AK8: variants seen among roughly 807,000 people sequenced by gnomAD.
AK8 encodes ATP-AMP transphosphorylase 8.
In AK8, 44 loss-of-function variants were observed where a neutral mutation model predicts 54.6. The ratio of observed to expected loss-of-function variants is 0.81; its 90% CI spans 0.63 to 1.04. The LOEUF (loss-of-function observed/expected upper bound fraction) is 1.04, where lower values mean the gene tolerates loss of function less well. AK8 is among the 50% of genes least tolerant of loss of function. The pLI is 0.00. For synonymous variants in AK8, 239 were observed against 245.6 expected (o/e 0.97, Z 0.25); for missense variants, 555 against 613.6 (o/e 0.90, Z 1.01).
At chr9:132,865,398 A>G (rs1219354534) in intron 3 of AK8, among the ~76,000 whole-genome samples, 1 of 152,218 alleles carries the variant, frequency 6.6e-6, no homozygotes, top group African/African-American at 2.4e-5. Context: ...CATCCCGTCC[A>G]TGATACATGC....
chr9:132,733,647 T>C lies in AK8; in HGVS notation c.1122-6113A>G, dbSNP rs145009087. On this transcript the variant is annotated intron_variant, in intron 11 of 12. Transcript: ENST00000298545. ...GGAAGCTTCTGATTATCCTGGCTCA[T>C]TGCGCCCAATGTGAGGGCCAGGTGG... Among the ~76,000 whole-genome samples the C allele has an allele frequency of 3.0e-3, 453 of 152,328 alleles. 4 individuals are homozygous for C. Among genetic ancestry groups the C allele is most frequent in the African/African-American group, 0.01 (427 of 41,576 alleles).
At chr9:132,731,666 C>T (rs542260148) in intron 11 of AK8, among the ~76,000 whole-genome samples, 6 of 152,276 alleles carry the variant, frequency 3.9e-5, no homozygotes, top group East Asian at 1.9e-4. Context: ...CAGTAAATGA[C>T]GAGATGTCCT....
At chr9:132,804,208 T>A (rs1281946949) in intron 10 of AK8, among the ~76,000 whole-genome samples, 2 of 151,022 alleles carry the variant, frequency 1.3e-5, no homozygotes, top group East Asian at 1.9e-4. Context: ...GAGGGCAGCA[T>A]CTGGGCCCTG....
chr9:132,862,118 T>C (rs1468718383), intron 4 of AK8, among the ~76,000 whole-genome samples: 1 of 152,186 alleles, frequency 6.6e-6, no homozygotes, highest in Non-Finnish European at 1.5e-5. Context: ...AACCACTTTC[T>C]TTCTAAAACC....
intron 10 of AK8, among the ~76,000 whole-genome samples, chr9:132,800,882 G>A (rs958869943): frequency 1.3e-5 from 2 of 151,906 alleles, no homozygotes; most frequent in Non-Finnish European, 2.9e-5. Context: ...GCTACCTGAG[G>A]GGCAGAGATG....
chr9:132,820,479 A>T (rs957516430), intron 9 of AK8, among the ~76,000 whole-genome samples: 2 of 152,160 alleles, frequency 1.3e-5, no homozygotes, highest in Admixed American at 1.3e-4. Flanking sequence ...AACTTATTTC[A>T]CAAACCTGCT....
chr9:132,868,944 C>G (rs1328961912), intron 2 of AK8, among the ~76,000 whole-genome samples: 3 of 152,032 alleles, frequency 2.0e-5, no homozygotes, highest in African/African-American at 7.2e-5. Flanking sequence ...TTTGGGAGGC[C>G]GAGATGGGCG....
At chr9:132,848,555 G>A (rs939402565) in intron 5 of AK8, among the ~76,000 whole-genome samples, 4 of 152,290 alleles carry the variant, frequency 2.6e-5, no homozygotes, top group Non-Finnish European at 2.9e-5. Flanking sequence ...GTCCACTCCA[G>A]TCCCCTTCAC....
intron 9 of AK8, among the ~76,000 whole-genome samples, chr9:132,821,728 T>A (rs906826636): frequency 2.2e-5 from 3 of 138,392 alleles, no homozygotes; most frequent in African/African-American, 6.4e-5. Flanking sequence ...TGTATATACA[T>A]ATATGTATAT....
At chr9:132,796,375 G>A (rs1840172965) in intron 10 of AK8, among the ~76,000 whole-genome samples, 1 of 152,262 alleles carries the variant, frequency 6.6e-6, no homozygotes, top group African/African-American at 2.4e-5. Context: ...AAGATTTCTA[G>A]AGAGAATTTC....
chr9:132,854,291 A>G (rs1843090402), intron 5 of AK8, among the ~76,000 whole-genome samples: 1 of 152,254 alleles, frequency 6.6e-6, no homozygotes, highest in African/African-American at 2.4e-5. Flanking sequence ...CTGTGAGGAC[A>G]CATGAATCGG....
chr9:132,736,838 A>T (rs1177565222), intron 11 of AK8, among the ~76,000 whole-genome samples: 1 of 151,866 alleles, frequency 6.6e-6, no homozygotes, highest in East Asian at 1.9e-4. Flanking sequence ...AACCTGGATG[A>T]ACCTTGAAGA....
chr9:132,765,801 T>C (rs1838702082), intron 11 of AK8, among the ~76,000 whole-genome samples: 1 of 152,224 alleles, frequency 6.6e-6, no homozygotes. Flanking sequence ...CCCACTCTCA[T>C]CGCTCTTATT....
intron 11 of AK8, among the ~76,000 whole-genome samples, chr9:132,740,059 T>C (rs1837297450): frequency 6.6e-6 from 1 of 152,238 alleles, no homozygotes; most frequent in South Asian, 2.1e-4. Flanking sequence ...GCTGCCAACA[T>C]GGCGTCCTTA....
intron 11 of AK8, among the ~76,000 whole-genome samples, chr9:132,785,589 T>A (rs1327943259): frequency 6.6e-6 from 1 of 151,570 alleles, no homozygotes; most frequent in Admixed American, 6.6e-5. Context: ...ACACATCCCA[T>A]AAAGAAAAGA....
chr9:132,750,975 G>T (rs1278937621), intron 11 of AK8, among the ~76,000 whole-genome samples: 1 of 152,024 alleles, frequency 6.6e-6, no homozygotes, highest in Non-Finnish European at 1.5e-5. Context: ...GTTTATCTGG[G>T]TTATGCTCCC....
intron 4 of AK8, among the ~76,000 whole-genome samples, chr9:132,862,853 A>C (rs1245529396): frequency 6.6e-6 from 1 of 152,086 alleles, no homozygotes; most frequent in African/African-American, 2.4e-5. Flanking sequence ...GGAGACAAGA[A>C]TGGAGTGGTG....
At chr9:132,875,377 G>C (rs1268953790) in intron 1 of AK8, 178 bp from the exon 2 acceptor site, 5 of 958,100 alleles carry the variant, frequency 5.2e-6, no homozygotes, top group Non-Finnish European at 1.2e-6. Flanking sequence ...GAGGCATGAG[G>C]GGGGCCACGT....
chr9:132,814,888 T>C (rs889197790), intron 9 of AK8, among the ~76,000 whole-genome samples, 161 bp from the exon 10 acceptor site: 3 of 151,254 alleles, frequency 2.0e-5, no homozygotes, highest in African/African-American at 7.3e-5. Context: ...CAAGTAAAAG[T>C]AAATATCAAA....
Sources: allele counts gnomAD v4.1 joint callset (sites outside exome capture counted in the v4.1 genomes callset), GRCh38; gene constraint gnomAD v4.1.1; transcripts MANE v1.5; gene names NCBI Gene and HGNC (gene_info 2026-07-23, HGNC 2026-07-21).